DTX3L: variants seen among roughly 807,000 people sequenced by gnomAD.
DTX3L encodes the protein deltex E3 ubiquitin ligase 3L.
DTX3L carries 34 observed loss-of-function variants against 60.9 expected under a neutral mutation model. That is an observed-to-expected ratio of 0.56 (90% CI 0.42 to 0.74). The LOEUF (loss-of-function observed/expected upper bound fraction) is 0.74, where lower values mean the gene tolerates loss of function less well. Ranked by LOEUF, DTX3L falls within the 30% of genes least tolerant of loss-of-function variation. DTX3L has a pLI of 0.00. For missense variants in DTX3L, 810 were observed against 874.0 expected (o/e 0.93, Z 0.92); for synonymous variants, 290 against 316.6 (o/e 0.92, Z 0.89).
intron 2 of DTX3L, among the ~76,000 whole-genome samples, chr3:122,566,379 C>G (rs1348529009): frequency 6.6e-6 from 1 of 151,988 alleles, no homozygotes; most frequent in African/African-American, 2.4e-5. Flanking sequence ...TTCTTTTTTT[C>G]CCCCCAAGAC....
At chr3:122,567,539 C>T (rs758119790) in intron 2 of DTX3L, among the ~76,000 whole-genome samples, 1 of 152,140 alleles carries the variant, frequency 6.6e-6, no homozygotes, top group Non-Finnish European at 1.5e-5. Context: ...CAATTGGTCT[C>T]TGTCCTTTTT....
At position 122,564,354 on chromosome 3, in the gene DTX3L, T is replaced by G; in HGVS notation, c.-73T>G. The stretch of plus-strand genomic sequence containing the variant: ...AGCGAAACTGAAACTTTGCGCCCAG[T>G]CCGCAGGGCGGGCCGCGCCTTTACC... On this transcript the variant is annotated 5_prime_UTR_variant, in exon 1 of 5. Coordinates refer to ENST00000296161, the MANE Select transcript of DTX3L (RefSeq NM_138287.3). 1 of 1,489,600 alleles carries G rather than the reference T, an allele frequency of 6.7e-7. No individual in the cohort carries two copies. The highest frequency in any genetic ancestry group is 1.3e-5 in the South Asian group (1 of 77,754). The allele number at this position is 1,489,600 out of a possible 1,614,324, so 92.3% of individuals were successfully genotyped here.
chr3:122,565,694 A>G (rs1327964240), intron 1 of DTX3L, among the ~76,000 whole-genome samples, 165 bp from the exon 2 acceptor site: 2 of 152,024 alleles, frequency 1.3e-5, no homozygotes, highest in Non-Finnish European at 2.9e-5. Flanking sequence ...AGAGCTCTTA[A>G]TAGCTCCCCG....
At chr3:122,565,814 C>A in intron 1 of DTX3L, 45 bp from the exon 2 acceptor site, 2 of 1,576,186 alleles carry the variant, frequency 1.3e-6, no homozygotes, top group Non-Finnish European at 1.7e-6. Flanking sequence ...AAATCTCTCC[C>A]ATTTTTATGT....
chr3:122,565,204 TATA>T (rs1167429945), intron 1 of DTX3L, among the ~76,000 whole-genome samples: 1 of 152,068 alleles, frequency 6.6e-6, no homozygotes, highest in Non-Finnish European at 1.5e-5. Context: ...CACTTACCTG[TATA>T]ATGAGTATTG....
rs1405823279 is a variant in DTX3L, at chr3:122,574,252, T to C, written c.*2505T>C. ...TCAGCTCTTTACTAAGTCCCACCAA[T>C]TCATGTTTTCACCCTTAAAATCTTT... On this transcript the variant is annotated 3_prime_UTR_variant, in exon 5 of 5. Transcript: ENST00000296161. 6.6e-6 allele frequency: 1 copy of C among 152,160 alleles called. No homozygotes were observed. The allele number at this position is 152,160 out of a possible 1,614,324, so 9.4% of individuals were successfully genotyped here.
At chr3:122,566,854 A>G (rs9917729) in intron 2 of DTX3L, among the ~76,000 whole-genome samples, 2 of 151,918 alleles carry the variant, frequency 1.3e-5, no homozygotes, top group Non-Finnish European at 2.9e-5. Flanking sequence ...CACCTTCTAG[A>G]GAGAGAAACA....
Position 122,566,033 on chromosome 3 carries a change from G to T in DTX3L, c.362G>T (p.Gly121Val). Residue 121 changes from glycine to valine, a missense_variant, in exon 2 of 5, where the codon GGA (glycine) becomes GTA (valine). Coordinates refer to ENST00000296161, the MANE Select transcript of DTX3L (RefSeq NM_138287.3). The part of the protein sequence containing the change: ...TPSGDMHQHE[G>V]HIPNAVDSCL... ...TCTGGTGATATGCATCAACATGAAG[G>T]ACATATTCCTAATGCTGTGGATTCC... The T allele has an allele frequency of 1.2e-6, 2 of 1,614,112 alleles. No individual in the cohort carries two copies. The highest frequency in any genetic ancestry group is 2.2e-5 in the South Asian group (2 of 91,076).
At position 122,564,603 on chromosome 3, in the gene DTX3L, T is replaced by A. The variant is rs1226747322; in HGVS notation, c.177T>A (p.Ser59Arg). ...CGGGCACCTTCCGGGTGGAGTTCAG[T>A]GAAAGGGCAGGTGAGCTTCGGGCGG... ...EAPGTFRVEF[S>R]ERAAKERVLK... is the part of the protein sequence containing the mutation. Residue 59 changes from serine (S) to arginine (R), a missense_variant, in exon 1 of 5, where the codon AGT becomes AGA. Ser to Arg is a moderately radical substitution (Grantham distance 110). Transcript: ENST00000296161. 6.3e-7 allele frequency: 1 copy of A among 1,595,762 alleles called. No individual in the cohort carries two copies. The highest frequency in any genetic ancestry group is 8.5e-7 in the Non-Finnish European group (1 of 1,172,056).
chr3:122,565,816 T>A, intron 1 of DTX3L, 43 bp from the exon 2 acceptor site: 1 of 1,584,422 alleles, frequency 6.3e-7, no homozygotes, highest in Non-Finnish European at 8.7e-7. Context: ...ATCTCTCCCA[T>A]TTTTATGTGT....
chr3:122,570,733 A>G, intron 4 of DTX3L, 61 bp downstream of exon 4: 1 of 1,557,328 alleles, frequency 6.4e-7, no homozygotes, highest in African/African-American at 1.4e-5. Context: ...GAAATACGGC[A>G]ATTTCTGGAT....
At position 122,568,334 on chromosome 3, in the gene DTX3L, TAAA is replaced by T. The variant is rs1576459348; in HGVS notation, c.400-154_400-152del. Among the ~76,000 whole-genome samples, 4 of 150,578 alleles carry T rather than the reference TAAA, an allele frequency of 2.7e-5. No homozygotes were observed. In the East Asian group the frequency reaches 5.8e-4, roughly 22 times the overall value. ...TGAAATAAATAAATAAATAAATAAA[TAAA>T]TAAATAAATAAATAGGATTTGAAAG... On this transcript the variant is annotated intron_variant, in intron 2 of 4. Coordinates refer to ENST00000296161, the MANE Select transcript of DTX3L (RefSeq NM_138287.3).
In DTX3L at chr3:122,568,572, T is replaced by A. The variant is rs1439805452; in HGVS notation, c.483T>A (p.Ser161Arg). Reference protein sequence around the residue: ...QRAYITTLCPSIRKMEGHDGI... With the variant: ...QRAYITTLCPRIRKMEGHDGI... ...CATACATAACCACACTGTGCCCTAGTATCAGAAAAATGGAAGGTCACGATG... is the reference window on the plus strand; with the variant it reads ...CATACATAACCACACTGTGCCCTAGAATCAGAAAAATGGAAGGTCACGATG... The change falls in exon 3 of 5, where the codon AGT becomes AGA. Residue 161 changes from serine (S) to arginine (R), a missense_variant. Coordinates refer to ENST00000296161, the MANE Select transcript of DTX3L (RefSeq NM_138287.3). The A allele has an allele frequency of 6.2e-7, 1 of 1,614,188 alleles. No homozygotes were observed. Among genetic ancestry groups the A allele is most frequent in the Non-Finnish European group, 8.5e-7 (1 of 1,180,024 alleles).
At chr3:122,570,107 A>G (rs1404227125) in intron 3 of DTX3L, 83 bp downstream of exon 3, 2 of 1,410,300 alleles carry the variant, frequency 1.4e-6, no homozygotes, top group South Asian at 1.2e-5. Context: ...TGCCTATTAG[A>G]CAATAGATTT....
chr3:122,566,142 C>A, intron 2 of DTX3L, 72 bp downstream of exon 2: 1 of 1,394,432 alleles, frequency 7.2e-7, no homozygotes, highest in Non-Finnish European at 1.0e-6. Context: ...TATTATTGAT[C>A]CAACACCCAT....
chr3:122,565,786 G>C (rs1576458083), intron 1 of DTX3L, 73 bp from the exon 2 acceptor site: 6 of 1,450,222 alleles, frequency 4.1e-6, no homozygotes, highest in Non-Finnish European at 4.8e-6. Context: ...ACAGACACAG[G>C]AATGAGAGGA....
intron 2 of DTX3L, 23 bp downstream of exon 2, chr3:122,566,093 G>T: frequency 6.2e-7 from 1 of 1,605,582 alleles, no homozygotes; most frequent in Non-Finnish European, 8.5e-7. Context: ...AGAAGGAGCT[G>T]GCTGTGCCTG....
rs747426305 is a variant in DTX3L at position 122,570,618 on chromosome 3, T to A, written c.2099T>A (p.Val700Asp). 6.2e-7 allele frequency: 1 copy of A among 1,614,164 alleles called. No individual in the cohort carries two copies. The highest frequency in any genetic ancestry group is 8.5e-7 in the Non-Finnish European group (1 of 1,180,036). Residue 700 changes from valine (V) to aspartate (D), a missense_variant, in exon 4 of 5, where the codon GTC (valine) becomes GAC (aspartate). Transcript: ENST00000296161. ...GYSRVLGVSD[V>D]ITWNDIHHKT... Reference sequence around the variant, plus strand: ...TCTCGCGTATTAGGAGTCTCAGATGTCATCACTTGGAATGATATTCACCAC... The same window carrying A: ...TCTCGCGTATTAGGAGTCTCAGATGACATCACTTGGAATGATATTCACCAC...
rs2080655513 is a variant in DTX3L at position 122,572,928 on chromosome 3, T to C, written c.*1181T>C. 6.6e-6 allele frequency: 1 copy of C among 152,206 alleles called. No individual in the cohort carries two copies. The highest frequency in any genetic ancestry group is 2.4e-5 in the African/African-American group (1 of 41,440). The allele number at this position is 152,206 out of a possible 1,614,324, so 9.4% of individuals were successfully genotyped here. On this transcript the variant is annotated 3_prime_UTR_variant, in exon 5 of 5. Transcript: ENST00000296161. ...GAGCCTAGTATATAGTTGGTGCCTG[T>C]CTTAGTCTGTTTGTGTTGCTATAAA...
Sources: gnomAD v4.1 joint callset for allele counts (sites outside exome capture counted in the v4.1 genomes callset) on GRCh38, gnomAD v4.1.1 for gene constraint, MANE v1.5 for transcripts, NCBI Gene and HGNC (gene_info 2026-07-23, HGNC 2026-07-21) for gene names.